Variants in PID1 observed in about 807,000 individuals in gnomAD.
PID1 encodes phosphotyrosine interaction domain containing 1, also known as PTB-containing, cubilin and LRP1-interacting protein.
Under a neutral mutation model 19.1 loss-of-function variants are expected in PID1, and 10 were observed. The ratio of observed to expected loss-of-function variants is 0.52; its 90% CI spans 0.32 to 0.89. The LOEUF (loss-of-function observed/expected upper bound fraction) is 0.89. Ranked by LOEUF, PID1 falls within the 40% of genes least tolerant of loss-of-function variation. The probability of loss-of-function intolerance (pLI) is 0.03; values close to 1 mark genes in which losing one functional copy is unlikely to be tolerated. For missense variants in PID1, 248 were observed against 285.3 expected (o/e 0.87, Z 0.94); for synonymous variants, 130 against 116.0 (o/e 1.12, Z -0.78).
At chr2:229,084,842 ACTGCTTTAAAG>A (rs1694734401) in intron 2 of PID1, among the ~76,000 whole-genome samples, 2 of 136,066 alleles carry the variant, frequency 1.5e-5, no homozygotes, top group East Asian at 6.3e-4. Context: ...ATTTCTCTTT[ACTGCTTTAAAG>A]CTTCATAATT....
intron 2 of PID1, among the ~76,000 whole-genome samples, chr2:229,111,855 T>G (rs1574637549): frequency 6.6e-6 from 1 of 152,342 alleles, no homozygotes; most frequent in African/African-American, 2.4e-5. Flanking sequence ...AAAATAGGAA[T>G]GAAGGCAATT....
chr2:229,204,843 A>G (rs535342210), intron 1 of PID1, among the ~76,000 whole-genome samples: 70 of 152,178 alleles, frequency 4.6e-4, no homozygotes, highest in African/African-American at 1.5e-3. Flanking sequence ...AAACGAATAT[A>G]TATTTTTTCC....
chr2:229,151,254 C>A (rs1190270073), intron 2 of PID1, among the ~76,000 whole-genome samples: 1 of 152,150 alleles, frequency 6.6e-6, no homozygotes, highest in Non-Finnish European at 1.5e-5. Flanking sequence ...TGGATAGACA[C>A]AAAACCCACC....
At chr2:229,155,187 G>T (rs1166675803) in intron 2 of PID1, among the ~76,000 whole-genome samples, 4 of 152,036 alleles carry the variant, frequency 2.6e-5, no homozygotes, top group Non-Finnish European at 4.4e-5. Flanking sequence ...TTATCATTAA[G>T]AACAAAACTT....
intron 2 of PID1, among the ~76,000 whole-genome samples, chr2:229,065,929 C>A (rs180727061): frequency 2.0e-5 from 3 of 151,980 alleles, no homozygotes; most frequent in Non-Finnish European, 4.4e-5. Flanking sequence ...TAAACATAGA[C>A]CCCCAAGTAA....
chr2:229,227,816 C>T, intron 1 of PID1: 1 of 313,558 alleles, frequency 3.2e-6, no homozygotes, highest in Non-Finnish European at 6.4e-6. Flanking sequence ...TTTTTCTTGT[C>T]ATTATCTCCC....
rs573312146 is a variant in PID1 at position 229,260,816 on chromosome 2, CA to C, written c.30+10197del. Among the ~76,000 whole-genome samples, 128 of 121,180 alleles carry C rather than the reference CA, an allele frequency of 1.1e-3. 6 individuals carry two copies. The highest frequency in any genetic ancestry group is 5.1e-3 in the Middle Eastern group (1 of 198). The allele number at this position is 121,180 out of a possible 152,430, so 79.5% of individuals were successfully genotyped here. On this transcript the variant is annotated intron_variant, in intron 1 of 2. Coordinates refer to ENST00000392055, the MANE Select transcript of PID1 (RefSeq NM_001100818.2). ...CAGATGTAGAGAAAATTCTGATTGCCATTTTTTTTTTTTTTTTTTTTTTGGT... is the reference window on the plus strand; with the variant it reads ...CAGATGTAGAGAAAATTCTGATTGCCTTTTTTTTTTTTTTTTTTTTTTGGT...
At chr2:229,240,302 T>C (rs1248967231) in intron 1 of PID1, among the ~76,000 whole-genome samples, 2 of 152,122 alleles carry the variant, frequency 1.3e-5, no homozygotes, top group Non-Finnish European at 2.9e-5. Flanking sequence ...GAATAAAGGA[T>C]TTATGGTCAA....
chr2:229,098,639 A>T (rs1013081426), intron 2 of PID1, among the ~76,000 whole-genome samples: 2 of 152,174 alleles, frequency 1.3e-5, no homozygotes, highest in African/African-American at 4.8e-5. Context: ...TTAATATGTG[A>T]GAGTGCTGTT....
At chr2:229,179,715 G>A (rs539700558) in intron 1 of PID1, among the ~76,000 whole-genome samples, 35 of 152,264 alleles carry the variant, frequency 2.3e-4, no homozygotes, top group South Asian at 1.9e-3. Context: ...AGCAAAGGTC[G>A]CCAGATACAA....
intron 1 of PID1, among the ~76,000 whole-genome samples, chr2:229,232,431 CAAAAAAAAAAAA>C (rs386392861): frequency 4.8e-5 from 2 of 41,354 alleles, no homozygotes; most frequent in Admixed American, 4.9e-4. Flanking sequence ...GACTCCATCT[CAAAAAAAAAAAA>C]AAAAAAAAAA....
chr2:229,085,829 G>A (rs1294184954), intron 2 of PID1, among the ~76,000 whole-genome samples: 1 of 152,028 alleles, frequency 6.6e-6, no homozygotes, highest in African/African-American at 2.4e-5. Flanking sequence ...TACTATAAAT[G>A]AGACAAACTT....
chr2:229,113,386 TTATATATATTTATA>T lies in PID1; in HGVS notation c.177+42418_177+42431del, dbSNP rs201096534. Among the ~76,000 whole-genome samples the T allele has an allele frequency of 8.0e-3, 1,162 of 146,028 alleles. 18 individuals are homozygous for T. The highest frequency in any genetic ancestry group is 0.028 in the African/African-American group (1,114 of 39,792). On this transcript the variant is annotated intron_variant, in intron 2 of 2. Transcript: ENST00000392055. ...TAATGTCTGGAGCCCCTACTATTTT[TTATATATATTTATA>T]TATATATATTTATATATATATACAC...
chr2:229,077,420 T>G (rs1270467355), intron 2 of PID1, among the ~76,000 whole-genome samples: 1 of 152,250 alleles, frequency 6.6e-6, no homozygotes, highest in Non-Finnish European at 1.5e-5. Context: ...TGGCTTCTGT[T>G]GCAATTGCTT....
chr2:229,074,236 GAT>G (rs1694513407), intron 2 of PID1, among the ~76,000 whole-genome samples: 1 of 152,046 alleles, frequency 6.6e-6, no homozygotes, highest in Non-Finnish European at 1.5e-5. Flanking sequence ...TCTGTCAACA[GAT>G]ACCCACTCCT....
At chr2:229,236,956 C>T (rs1689711619) in intron 1 of PID1, among the ~76,000 whole-genome samples, 1 of 149,842 alleles carries the variant, frequency 6.7e-6, no homozygotes, top group African/African-American at 2.5e-5. Flanking sequence ...CCCGCAAAGC[C>T]TAGCATGCGG....
chr2:229,212,997 T>A (rs998846764), intron 1 of PID1, among the ~76,000 whole-genome samples: 1 of 152,042 alleles, frequency 6.6e-6, no homozygotes, highest in African/African-American at 2.4e-5. Flanking sequence ...AAATTAATGA[T>A]GCTAGAGGAA....
At chr2:229,138,539 T>A (rs936890283) in intron 2 of PID1, among the ~76,000 whole-genome samples, 7 of 152,100 alleles carry the variant, frequency 4.6e-5, no homozygotes, top group African/African-American at 7.2e-5. Context: ...CATTGTGGTC[T>A]CATGGTGTAT....
chr2:229,090,846 T>C (rs1004992648), intron 2 of PID1, among the ~76,000 whole-genome samples: 2 of 152,210 alleles, frequency 1.3e-5, no homozygotes, highest in Non-Finnish European at 2.9e-5. Flanking sequence ...ACTGTGTTAC[T>C]GCCAAAAAGC....
Sources: allele counts gnomAD v4.1 joint callset (sites outside exome capture counted in the v4.1 genomes callset), GRCh38; gene constraint gnomAD v4.1.1; transcripts MANE v1.5; gene names NCBI Gene and HGNC (gene_info 2026-07-23, HGNC 2026-07-21).